Variants in KDM1B observed in about 807,000 individuals in gnomAD.
KDM1B encodes the protein lysine-specific histone demethylase 2.
Under a neutral mutation model 107.4 loss-of-function variants are expected in KDM1B, and 63 were observed. That is an observed-to-expected ratio of 0.59 (90% CI 0.48 to 0.72). KDM1B has a LOEUF of 0.72. KDM1B is among the 30% of genes least tolerant of loss of function. KDM1B has a pLI of 0.00. For synonymous variants in KDM1B, 363 were observed against 363.9 expected (o/e 1.00, Z 0.03); for missense variants, 749 against 1,020.8 (o/e 0.73, Z 3.63).
At chr6:18,218,830 T>C (rs1208366482) in intron 21 of KDM1B, among the ~76,000 whole-genome samples, 2 of 152,184 alleles carry the variant, frequency 1.3e-5, no homozygotes, top group Non-Finnish European at 2.9e-5. Flanking sequence ...CTGGTTGACC[T>C]CTGAGATTAC....
rs916890691 is a variant in KDM1B at position 18,213,139 on chromosome 6, C to G, written c.1984-517C>G. ...CCATGGGAATGGAACTGAGTGGCAT[C>G]AAAAGCAAGGAGCTGGGCTGGGCAC... On this transcript the variant is annotated intron_variant, in intron 18 of 21. Coordinates refer to ENST00000650836, the MANE Select transcript of KDM1B (RefSeq NM_001364614.2). This position sits in a 1 kb window ranked among gnomAD's most constrained non-coding sequence, Gnocchi z 5.9. Among the ~76,000 whole-genome samples the G allele has an allele frequency of 1.3e-5, 2 of 152,046 alleles. No homozygotes were observed. The highest frequency in any genetic ancestry group is 2.9e-5 in the Non-Finnish European group (2 of 67,996).
intron 7 of KDM1B, among the ~76,000 whole-genome samples, chr6:18,177,718 T>C (rs1414204081): frequency 6.6e-6 from 1 of 151,958 alleles, no homozygotes; most frequent in Non-Finnish European, 1.5e-5. Context: ...ACCACACCTG[T>C]TTTGTAAATA....
At chr6:18,171,740 C>T (rs1785677060) in intron 7 of KDM1B, among the ~76,000 whole-genome samples, 1 of 152,196 alleles carries the variant, frequency 6.6e-6, no homozygotes, top group Non-Finnish European at 1.5e-5. Flanking sequence ...CTCTTTGTAG[C>T]TTCCACTCCA....
rs1453706022 is a variant in KDM1B at position 18,159,537 on chromosome 6, C to A, written c.-13-346C>A. 1.3e-5 allele frequency among the ~76,000 whole-genome samples: 2 copies of A among 152,108 alleles called. No homozygotes were observed. Among genetic ancestry groups the A allele is most frequent in the Non-Finnish European group, 2.9e-5 (2 of 68,034 alleles). On this transcript the variant is annotated intron_variant, in intron 2 of 21. Transcript: ENST00000650836. The surrounding 1 kb of genome is among the most constrained non-coding windows in gnomAD (Gnocchi z 4.5). ...AGGTTATCTTGTTTAAACTTCATGC[C>A]AGTGCTATAGTAAATGCTTATGGTG...
At chr6:18,179,022 A>G (rs1191170577) in intron 7 of KDM1B, among the ~76,000 whole-genome samples, 1 of 152,206 alleles carries the variant, frequency 6.6e-6, no homozygotes, top group Non-Finnish European at 1.5e-5. Context: ...CAGTATCGTC[A>G]TATACAGTGT....
chr6:18,212,461 T>C lies in KDM1B; in HGVS notation c.1867-27T>C. The stretch of plus-strand genomic sequence containing the variant: ...AGTGTGAGGTTCTGTTGCTGTTTGT[T>C]TGTTAACTGTTAATTATTTTCCACA... On this transcript the variant is annotated intron_variant, in intron 17 of 21. Coordinates refer to ENST00000650836, the MANE Select transcript of KDM1B (RefSeq NM_001364614.2). The surrounding 1 kb of genome is among the most constrained non-coding windows in gnomAD (Gnocchi z 5.2). 1 of 1,352,256 alleles carries C rather than the reference T, an allele frequency of 7.4e-7. No homozygotes were observed. The highest frequency in any genetic ancestry group is 1.1e-6 in the Non-Finnish European group (1 of 940,940). 83.8% of individuals were successfully genotyped at this position (1,352,256 alleles called of 1,614,324 possible).
intron 9 of KDM1B, among the ~76,000 whole-genome samples, chr6:18,189,185 A>G (rs1299131232): frequency 6.6e-6 from 1 of 152,190 alleles, no homozygotes; most frequent in Non-Finnish European, 1.5e-5. Flanking sequence ...AACAAATGGC[A>G]TTTTTGATTA....
In KDM1B at chr6:18,197,329, C is replaced by G; in HGVS notation, c.1146+96C>G. The G allele has an allele frequency of 8.5e-7, 1 of 1,170,262 alleles. No homozygotes were observed. The highest frequency in any genetic ancestry group is 1.2e-6 in the Non-Finnish European group (1 of 834,082). 72.5% of individuals were successfully genotyped at this position (1,170,262 alleles called of 1,614,324 possible). ...AATATAGTAAAAGCCACATTATCAC[C>G]ATAAAACTTAACAGAAGCAAGGCTT... On this transcript the variant is annotated intron_variant, in intron 11 of 21. Transcript: ENST00000650836. This position sits in a 1 kb window ranked among gnomAD's most constrained non-coding sequence, Gnocchi z 4.5.
intron 12 of KDM1B, among the ~76,000 whole-genome samples, chr6:18,198,996 C>G (rs1251509250): frequency 7.7e-6 from 1 of 129,380 alleles, no homozygotes; most frequent in Non-Finnish European, 1.6e-5. Context: ...TGGCAAAACC[C>G]TGTCTCTACC....
chr6:18,207,455 A>G lies in KDM1B; in HGVS notation c.1717A>G (p.Thr573Ala), dbSNP rs1788459902. The change falls in exon 16 of 22, where the codon ACT (threonine) becomes GCT (alanine). Residue 573 changes from threonine (T) to alanine (A), a missense_variant. By Grantham distance (58) the Thr-to-Ala change is moderately conservative (BLOSUM62 0). Transcript: ENST00000650836. ...EFFAQFAGDH[T>A]LLTPGYSVII... ...CTTTGCCCAGTTTGCTGGTGACCAC[A>G]CTCTGCTAACTCCCGGGTACTCGGT... 1.9e-6 allele frequency: 3 copies of G among 1,614,070 alleles called. No individual in the cohort carries two copies. The highest frequency in any genetic ancestry group is 2.5e-6 in the Non-Finnish European group (3 of 1,180,006).
rs1024835393 is a variant in KDM1B at position 18,211,674 on chromosome 6, T to C, written c.1867-814T>C. ...GGCGTCCTGATTGTAGCAACGATAA[T>C]GGGGTCTGGAGCCAGAAATGTCCAA... On this transcript the variant is annotated intron_variant, in intron 17 of 21. Coordinates refer to ENST00000650836, the MANE Select transcript of KDM1B (RefSeq NM_001364614.2). This position sits in a 1 kb window ranked among gnomAD's most constrained non-coding sequence, Gnocchi z 5.2. 6.6e-6 allele frequency: 1 copy of C among 152,274 alleles called. No individual in the cohort carries two copies. Among genetic ancestry groups the C allele is most frequent in the East Asian group, 1.9e-4 (1 of 5,198 alleles). The allele number at this position is 152,274 out of a possible 1,614,324, so 9.4% of individuals were successfully genotyped here.
At position 18,200,601 on chromosome 6, in the gene KDM1B, GTAGA is replaced by G; in HGVS notation, c.1359+28_1359+31del. On this transcript the variant is annotated intron_variant, in intron 13 of 21. Coordinates refer to ENST00000650836, the MANE Select transcript of KDM1B (RefSeq NM_001364614.2). The surrounding 1 kb of genome is among the most constrained non-coding windows in gnomAD (Gnocchi z 4.3). The stretch of plus-strand genomic sequence containing the variant: ...AGTGAGTTTCTTTTAGCTTTGTGTT[GTAGA>G]TAAAGGAAAGAAAAACAGTTTCAAT... The G allele has an allele frequency of 6.3e-7, 1 of 1,591,404 alleles. No individual in the cohort carries two copies. The highest frequency in any genetic ancestry group is 8.5e-7 in the Non-Finnish European group (1 of 1,170,944).
intron 7 of KDM1B, among the ~76,000 whole-genome samples, chr6:18,179,025 T>C (rs9477652): frequency 0.021 from 3,228 of 152,328 alleles, 115 homozygotes; most frequent in African/African-American, 0.073. Flanking sequence ...TATCGTCATA[T>C]ACAGTGTTGG....
rs1013418911 is a variant in KDM1B at position 18,172,468 on chromosome 6, G to A, written c.534+989G>A. Among the ~76,000 whole-genome samples, 2 of 152,090 alleles carry A rather than the reference G, an allele frequency of 1.3e-5. No individual in the cohort carries two copies. The highest frequency in any genetic ancestry group is 2.9e-5 in the Non-Finnish European group (2 of 68,012). The stretch of plus-strand genomic sequence containing the variant: ...GAAAATCTGAAATGTTCCAAAATCT[G>A]AAACTTTTTGAGCTCTGAGATGATG... On this transcript the variant is annotated intron_variant, in intron 7 of 21. Transcript: ENST00000650836. The surrounding 1 kb of genome is among the most constrained non-coding windows in gnomAD (Gnocchi z 5.2).
At chr6:18,167,645 T>A (rs1050665309) in intron 6 of KDM1B, among the ~76,000 whole-genome samples, 3 of 151,768 alleles carry the variant, frequency 2.0e-5, no homozygotes, top group Admixed American at 6.6e-5. Context: ...AGCTGACTTT[T>A]GTATTTTTTG....
At chr6:18,202,767 CTCT>C (rs1282485003) in intron 14 of KDM1B, among the ~76,000 whole-genome samples, 3 of 152,144 alleles carry the variant, frequency 2.0e-5, no homozygotes, top group African/African-American at 4.8e-5. Flanking sequence ...GACTATGTAT[CTCT>C]TCTTTTTCTC....
At chr6:18,188,972 T>C (rs1207043) in intron 9 of KDM1B, among the ~76,000 whole-genome samples, 130,075 of 151,826 alleles carry the variant, frequency 0.86, 56,181 homozygotes, top group African/African-American at 0.95. Flanking sequence ...TTAGTAGAGA[T>C]GGGGTTTCAT....
chr6:18,213,721 C>T lies in KDM1B; in HGVS notation c.2049C>T (p.His683=), dbSNP rs149886759. ...TACAAGGGGCTGACTTTTTTGGTCA[C>T]GTTCCTCCCAGTGCCAGCAAGCGAG... The part of the protein sequence containing the change: ...SKVQGADFFG[H]VPPSASKRGL... The change falls in exon 19 of 22, where the codon CAC becomes CAT. Residue 683 remains histidine (H), a synonymous_variant. Coordinates refer to ENST00000650836, the MANE Select transcript of KDM1B (RefSeq NM_001364614.2). The surrounding 1 kb of genome is among the most constrained non-coding windows in gnomAD (Gnocchi z 5.9). The T allele has an allele frequency of 2.7e-4, 432 of 1,614,000 alleles. 1 individual carries two copies. The highest frequency in any genetic ancestry group is 3.5e-4 in the Non-Finnish European group (411 of 1,179,904).
rs760048568 is a variant in KDM1B, at chr6:18,197,539, G to C, written c.1147-48G>C. 7.0e-7 allele frequency: 1 copy of C among 1,429,902 alleles called. No individual in the cohort carries two copies. Among genetic ancestry groups the C allele is most frequent in the African/African-American group, 1.4e-5 (1 of 71,326 alleles). 88.6% of individuals were successfully genotyped at this position (1,429,902 alleles called of 1,614,324 possible). On this transcript the variant is annotated intron_variant, in intron 11 of 21. Coordinates refer to ENST00000650836, the MANE Select transcript of KDM1B (RefSeq NM_001364614.2). This position sits in a 1 kb window ranked among gnomAD's most constrained non-coding sequence, Gnocchi z 4.5. Reference sequence around the variant, plus strand: ...AGTTCCGGAACAACTAAAACAGGACGTTGTTATCATCTGCTCTAATTGGAC... The same window carrying C: ...AGTTCCGGAACAACTAAAACAGGACCTTGTTATCATCTGCTCTAATTGGAC...
Sources: allele counts gnomAD v4.1 joint callset (sites outside exome capture counted in the v4.1 genomes callset), GRCh38; gene constraint gnomAD v4.1.1; non-coding constraint Gnocchi (gnomAD v3.1); transcripts MANE v1.5; gene names NCBI Gene and HGNC (gene_info 2026-07-23, HGNC 2026-07-21).